Variants in PDZRN3 observed in about 807,000 individuals in gnomAD.
PDZRN3 encodes the protein E3 ubiquitin-protein ligase PDZRN3.
Under a neutral mutation model 85.7 loss-of-function variants are expected in PDZRN3, and 38 were observed. The observed-to-expected ratio is 0.44, with a 90% CI of 0.34 to 0.58. The LOEUF is 0.58. Ranked by LOEUF, PDZRN3 falls within the 20% of genes least tolerant of loss-of-function variation. PDZRN3 has a pLI of 0.01. For missense variants in PDZRN3, 1,629 were observed against 1,506.4 expected, an observed-to-expected ratio of 1.08 and a Z score of -1.35; for synonymous variants, 759 against 638.0, an observed-to-expected ratio of 1.19 and a Z score of -2.86.
chr3:73,416,925 T>C, intron 3 of PDZRN3, among the ~76,000 whole-genome samples: 1 of 137,110 alleles, frequency 7.3e-6, no homozygotes, highest in Non-Finnish European at 1.6e-5. Flanking sequence ...AGAGTCTCAC[T>C]CCATCACCCA....
chr3:73,563,839 G>A lies in PDZRN3; in HGVS notation c.918+38515C>T, dbSNP rs185029637. On this transcript the variant is annotated intron_variant, in intron 3 of 9. Coordinates refer to ENST00000263666, the MANE Select transcript of PDZRN3 (RefSeq NM_015009.3). ...AAGAGGCAACTGGGGCCCAGAGGGGGAAAACAATCTGACAGAACATAAATA... is the reference window on the plus strand; with the variant it reads ...AAGAGGCAACTGGGGCCCAGAGGGGAAAAACAATCTGACAGAACATAAATA... 1.0e-3 allele frequency among the ~76,000 whole-genome samples: 155 copies of A among 152,332 alleles called. 2 individuals carry two copies. Among genetic ancestry groups the A allele is most frequent in the African/African-American group, 3.6e-3 (148 of 41,570 alleles).
rs560063988 is a variant in PDZRN3, at chr3:73,490,621, T to C, written c.919-86226A>G. On this transcript the variant is annotated intron_variant, in intron 3 of 9. Coordinates refer to ENST00000263666, the MANE Select transcript of PDZRN3 (RefSeq NM_015009.3). ...CAAATGTGAGCAATGGCAACAAAAATGGGGGGTATGGGCTTATTCTTTACT... is the reference window on the plus strand; with the variant it reads ...CAAATGTGAGCAATGGCAACAAAAACGGGGGGTATGGGCTTATTCTTTACT... Among the ~76,000 whole-genome samples the C allele has an allele frequency of 1.4e-3, 214 of 152,200 alleles. 1 individual carries two copies. The highest frequency in any genetic ancestry group is 4.9e-3 in the African/African-American group (205 of 41,534).
At chr3:73,483,676 C>A (rs967122551) in intron 3 of PDZRN3, among the ~76,000 whole-genome samples, 3 of 152,208 alleles carry the variant, frequency 2.0e-5, no homozygotes, top group Non-Finnish European at 2.9e-5. Context: ...ACAACCCAAT[C>A]AGTGAACAGG....
intron 3 of PDZRN3, among the ~76,000 whole-genome samples, chr3:73,554,353 GACACACACACACACACAC>G (rs35130068): frequency 5.4e-5 from 8 of 147,564 alleles, no homozygotes; most frequent in Non-Finnish European, 1.0e-4. Flanking sequence ...GTTGAGAGAA[GACACACACACACACACAC>G]ACACACACAC....
chr3:73,486,005 C>A (rs1285158359), intron 3 of PDZRN3, among the ~76,000 whole-genome samples: 1 of 152,218 alleles, frequency 6.6e-6, no homozygotes, highest in Non-Finnish European at 1.5e-5. Flanking sequence ...ATTAGCAATG[C>A]CCTTGCCAGC....
intron 1 of PDZRN3, among the ~76,000 whole-genome samples, chr3:73,613,934 A>T (rs1275128022): frequency 1.3e-5 from 2 of 152,182 alleles, no homozygotes; most frequent in African/African-American, 4.8e-5. Flanking sequence ...AAGAAAAAGC[A>T]GGGACATATT....
Position 73,602,416 on chromosome 3 carries a change from T to C in PDZRN3, c.856A>G (p.Ile286Val), listed in dbSNP as rs748343087. ...SSSEGIFVSKIVDSGPAAKEG... is the reference protein window; with the variant it reads ...SSSEGIFVSKVVDSGPAAKEG... ...TTGGCTGCAGGCCCACTGTCAACTA[T>C]CTTGGATACAAAGATTCCTTCACTG... Residue 286 changes from isoleucine (I) to valine (V), a missense_variant, in exon 3 of 10, where the codon ATA (isoleucine) becomes GTA (valine). By Grantham distance (29) the Ile-to-Val change is conservative. Transcript: ENST00000263666. The C allele has an allele frequency of 6.2e-7, 1 of 1,611,794 alleles. No homozygotes were observed. Among genetic ancestry groups the C allele is most frequent in the South Asian group, 1.1e-5 (1 of 91,020 alleles).
intron 1 of PDZRN3, among the ~76,000 whole-genome samples, chr3:73,616,903 A>G (rs1166787729): frequency 6.6e-6 from 1 of 152,202 alleles, no homozygotes; most frequent in African/African-American, 2.4e-5. Context: ...CAAAGAGAAC[A>G]CATGAACCCG....
chr3:73,452,142 G>A (rs1382380753), intron 3 of PDZRN3, among the ~76,000 whole-genome samples: 1 of 152,198 alleles, frequency 6.6e-6, no homozygotes, highest in Non-Finnish European at 1.5e-5. Flanking sequence ...CCCATGTGAA[G>A]AGGACAAATG....
chr3:73,553,747 A>G (rs1004576511), intron 3 of PDZRN3, among the ~76,000 whole-genome samples: 1 of 152,162 alleles, frequency 6.6e-6, no homozygotes, highest in Non-Finnish European at 1.5e-5. Flanking sequence ...AAATGTCAAT[A>G]CAGGCTGGAG....
intron 5 of PDZRN3, among the ~76,000 whole-genome samples, chr3:73,392,717 T>A (rs1448932303): frequency 6.6e-6 from 1 of 152,182 alleles, no homozygotes; most frequent in African/African-American, 2.4e-5. Context: ...CTAAGATTAT[T>A]TTCTGAACAC....
intron 3 of PDZRN3, among the ~76,000 whole-genome samples, chr3:73,426,942 C>A (rs1243530452): frequency 6.6e-6 from 1 of 152,186 alleles, no homozygotes; most frequent in African/African-American, 2.4e-5. Flanking sequence ...CCACTCAAAT[C>A]AAGACCAGCA....
chr3:73,616,369 A>C (rs1559758979), intron 1 of PDZRN3, among the ~76,000 whole-genome samples: 1 of 152,220 alleles, frequency 6.6e-6, no homozygotes, highest in Non-Finnish European at 1.5e-5. Flanking sequence ...GCACTTGCTT[A>C]CATGAAGGTA....
chr3:73,458,643 T>C (rs1163542743), intron 3 of PDZRN3, among the ~76,000 whole-genome samples: 4 of 150,538 alleles, frequency 2.7e-5, no homozygotes, highest in African/African-American at 9.8e-5. Flanking sequence ...TGAGTTGTAT[T>C]AGTCCGTTCT....
chr3:73,435,974 C>T (rs1414554813), intron 3 of PDZRN3, among the ~76,000 whole-genome samples: 3 of 152,156 alleles, frequency 2.0e-5, no homozygotes, highest in Non-Finnish European at 4.4e-5. Flanking sequence ...TGGTGGTCAC[C>T]ACACTGCCAG....
chr3:73,575,928 A>G (rs1377428361), intron 3 of PDZRN3, among the ~76,000 whole-genome samples: 7 of 152,198 alleles, frequency 4.6e-5, no homozygotes, highest in African/African-American at 1.7e-4. Context: ...GAGTCACACA[A>G]TTTGGAAGTT....
At chr3:73,613,748 A>C (rs1162115660) in intron 1 of PDZRN3, among the ~76,000 whole-genome samples, 1 of 152,048 alleles carries the variant, frequency 6.6e-6, no homozygotes, top group Non-Finnish European at 1.5e-5. Context: ...TGCAGGGTGC[A>C]GAAGGGCAGT....
chr3:73,529,768 A>T (rs912325270), intron 3 of PDZRN3, among the ~76,000 whole-genome samples: 29 of 152,172 alleles, frequency 1.9e-4, no homozygotes, highest in African/African-American at 6.8e-4. Context: ...ATTCCCTCAA[A>T]CAAACCAAAA....
intron 3 of PDZRN3, among the ~76,000 whole-genome samples, chr3:73,489,575 C>CTTTTTCTTTTT (rs1553694902): frequency 1.4e-4 from 11 of 80,110 alleles, no homozygotes; most frequent in African/African-American, 4.3e-4. Flanking sequence ...AGTTTCTTTT[C>CTTTTTCTTTTT]TTTTTTTTTT....
Sources: gnomAD v4.1 joint callset for allele counts (sites outside exome capture counted in the v4.1 genomes callset) on GRCh38, gnomAD v4.1.1 for gene constraint, MANE v1.5 for transcripts, NCBI Gene and HGNC (gene_info 2026-07-23, HGNC 2026-07-21) for gene names.